Variants in KCNT1 observed in about 807,000 individuals in gnomAD.
KCNT1 encodes the protein potassium sodium-activated channel subfamily T member 1.
In KCNT1, 78 loss-of-function variants were observed where a neutral mutation model predicts 147.8. The observed-to-expected ratio is 0.53, with a 90% CI of 0.44 to 0.64. KCNT1 has a LOEUF of 0.64. Among genes scored for constraint, KCNT1 ranks in the 30% least tolerant of loss-of-function variants. KCNT1 has a pLI of 0.00. For synonymous variants in KCNT1, 867 were observed against 748.8 expected (o/e 1.16, Z -2.58); for missense variants, 1,419 against 1,750.3 (o/e 0.81, Z 3.38).
intron 24 of KCNT1, among the ~76,000 whole-genome samples, chr9:135,782,930 T>C (rs1749396286): frequency 6.6e-6 from 1 of 152,214 alleles, no homozygotes; most frequent in East Asian, 1.9e-4. Context: ...CACCGGCCAC[T>C]GATGAGTAAG....
Position 135,714,725 on chromosome 9 carries a change from G to T in KCNT1, c.254+5G>T. 7.2e-7 allele frequency: 1 copy of T among 1,385,208 alleles called. No homozygotes were observed. 85.8% of individuals were successfully genotyped at this position (1,385,208 alleles called of 1,614,324 possible). A position where few individuals can be genotyped will look rare whatever the true frequency, so the allele number is the denominator to read the frequency against. ...GTCCTTCCAGAACGACGACAGGTAG[G>T]GACCGGGCGCGGGGTGGGGGCTGGG... is the stretch of plus-strand genomic sequence containing the variant. On this transcript the variant is annotated splice_donor_5th_base_variant and intron_variant, in intron 2 of 30. Coordinates refer to ENST00000371757, the MANE Select transcript of KCNT1 (RefSeq NM_020822.3). This position sits in a 1 kb window ranked among gnomAD's most constrained non-coding sequence, Gnocchi z 6.2.
rs745347346 is a variant in KCNT1, at chr9:135,757,125, G to A, written c.601-31G>A. 42 of 773,116 alleles carry A rather than the reference G, an allele frequency of 5.4e-5. No individual in the cohort carries two copies. The Middle Eastern group carries it at 8.9e-4, about 16-fold the overall frequency. The allele number at this position is 773,116 out of a possible 1,614,324, so 47.9% of individuals were successfully genotyped here. On this transcript the variant is annotated intron_variant, in intron 7 of 30. Coordinates refer to ENST00000371757, the MANE Select transcript of KCNT1 (RefSeq NM_020822.3). ...CTGGGCCCCACCCCCACCCTCCATC[G>A]CCCCCGCTGATACCCCCCGTTTGGC...
chr9:135,786,300 C>T lies in KCNT1; in HGVS notation c.3281C>T (p.Thr1094Met), dbSNP rs373041291. The change falls in exon 29 of 31, where the codon ACG becomes ATG. Residue 1094 changes from threonine (T) to methionine (M), a missense_variant. By Grantham distance (81) the Thr-to-Met change is moderately conservative (BLOSUM62 -1). Coordinates refer to ENST00000371757, the MANE Select transcript of KCNT1 (RefSeq NM_020822.3). Reference sequence around the variant, plus strand: ...GGAGGCAGCTCCCAGGGCCGCCACACGGGCGGCGGTGACCCCGCAGAGCAC... The same window carrying T: ...GGAGGCAGCTCCCAGGGCCGCCACATGGGCGGCGGTGACCCCGCAGAGCAC... ...GTGGSSQGRHTGGGDPAEHPL... is the reference protein window; with the variant it reads ...GTGGSSQGRHMGGGDPAEHPL... The T allele has an allele frequency of 4.9e-5, 79 of 1,604,062 alleles. No homozygotes were observed. Among genetic ancestry groups the T allele is most frequent in the African/African-American group, 3.5e-4 (26 of 74,960 alleles).
rs533528985 is a variant in KCNT1 at position 135,771,070 on chromosome 9, C to T, written c.1983C>T (p.Pro661=). ...TGCACGAGGGTCCGGCCCGCCTGCC[C>T]GTGCACAGCATCATCGCCTCCATGG... ...QGLHEGPARL[P]VHSIIASMGT... The change falls in exon 18 of 31, where the codon CCC becomes CCT. Residue 661 remains proline (P), a synonymous_variant. Transcript: ENST00000371757. The T allele has an allele frequency of 5.0e-5, 81 of 1,611,698 alleles. No homozygotes were observed. The highest frequency in any genetic ancestry group is 2.3e-4 in the South Asian group (21 of 90,664).
chr9:135,786,045 C>T (rs1834017761), intron 28 of KCNT1, 152 bp from the exon 29 acceptor site: 3 of 648,592 alleles, frequency 4.6e-6, no homozygotes, highest in African/African-American at 1.9e-5. Context: ...ACCCTGGGGT[C>T]TGTCGTCGTC....
rs776788870 is a variant in KCNT1 at position 135,792,185 on chromosome 9, C to T, written c.*24C>T. 5 of 1,597,280 alleles carry T rather than the reference C, an allele frequency of 3.1e-6. No individual in the cohort carries two copies. The East Asian group carries it at 1.1e-4, about 36-fold the overall frequency. On this transcript the variant is annotated 3_prime_UTR_variant, in exon 31 of 31. Transcript: ENST00000371757. ...GAGCCAGCCCTGCACGGAGCTCAGG[C>T]CACCAAGCCCGGGGTCCTCAGGAAG...
chr9:135,730,193 C>T lies in KCNT1; in HGVS notation c.254+15473C>T, dbSNP rs1219720472. 6.6e-6 allele frequency among the ~76,000 whole-genome samples: 1 copy of T among 152,178 alleles called. No individual in the cohort carries two copies. Among genetic ancestry groups the T allele is most frequent in the African/African-American group, 2.4e-5 (1 of 41,440 alleles). On this transcript the variant is annotated intron_variant, in intron 2 of 30. Transcript: ENST00000371757. The surrounding 1 kb of genome is among the most constrained non-coding windows in gnomAD (Gnocchi z 4.7). ...ACAGTAAGGCAGTGTTGAATTGCAG[C>T]CTCTAGTGGCGACAACAAGGAAAGG...
intron 19 of KCNT1, among the ~76,000 whole-genome samples, chr9:135,775,010 G>A (rs1031861695): frequency 6.6e-6 from 1 of 152,160 alleles, no homozygotes; most frequent in African/African-American, 2.4e-5. Flanking sequence ...CTTAAGGTTC[G>A]GCACCTGCAT....
chr9:135,749,964 T>TCC, intron 2 of KCNT1, 134 bp from the exon 3 acceptor site: 1 of 696,300 alleles, frequency 1.4e-6, no homozygotes, highest in Admixed American at 2.1e-5. Context: ...GAGGGAGTGG[T>TCC]CCTGCTGGGC....
chr9:135,760,917 G>A (rs1315786320), intron 11 of KCNT1, among the ~76,000 whole-genome samples: 1 of 152,244 alleles, frequency 6.6e-6, no homozygotes, highest in East Asian at 1.9e-4. Flanking sequence ...TGATGAGCGA[G>A]TCTCTGTGTT....
At position 135,715,610 on chromosome 9, in the gene KCNT1, C is replaced by T. The variant is rs1406855376; in HGVS notation, c.254+890C>T. On this transcript the variant is annotated intron_variant, in intron 2 of 30. Coordinates refer to ENST00000371757, the MANE Select transcript of KCNT1 (RefSeq NM_020822.3). ...GCAAATCCGCACTTTCCCCCAACAA[C>T]GCAGTTATTCCGGTTAGCACACAAA... is the stretch of plus-strand genomic sequence containing the variant. 3.3e-5 allele frequency among the ~76,000 whole-genome samples: 3 copies of T among 90,348 alleles called. 1 individual carries two copies. The highest frequency in any genetic ancestry group is 1.2e-4 in the African/African-American group (3 of 24,496). The allele number at this position is 90,348 out of a possible 152,430, so 59.3% of individuals were successfully genotyped here.
intron 2 of KCNT1, among the ~76,000 whole-genome samples, chr9:135,731,922 TTCA>T (rs1407887095): frequency 6.9e-6 from 1 of 145,796 alleles, no homozygotes; most frequent in Non-Finnish European, 1.5e-5. Context: ...CTTTCTTTGC[TTCA>T]TCATCACATA....
intron 2 of KCNT1, among the ~76,000 whole-genome samples, chr9:135,718,838 C>T (rs939979601): frequency 2.0e-5 from 3 of 152,220 alleles, no homozygotes; most frequent in Admixed American, 6.5e-5. Flanking sequence ...CTCCATCGCC[C>T]GTGGCCTTGG....
rs560986596 is a variant in KCNT1 at position 135,786,049 on chromosome 9, C to T, written c.3178-148C>T. The T allele has an allele frequency of 2.1e-4, 138 of 664,600 alleles. 1 individual carries two copies. In the African/African-American group the frequency reaches 2.1e-3, roughly 10 times the overall value. The allele number at this position is 664,600 out of a possible 1,614,324, so 41.2% of individuals were successfully genotyped here. ...AAGGCACATGCACCCTGGGGTCTGTCGTCGTCCTCTTCCCTAACACCCCCA... is the reference window on the plus strand; with the variant it reads ...AAGGCACATGCACCCTGGGGTCTGTTGTCGTCCTCTTCCCTAACACCCCCA... On this transcript the variant is annotated intron_variant, in intron 28 of 30. Transcript: ENST00000371757.
At chr9:135,751,075 G>A (rs760543805) in intron 4 of KCNT1, 34 bp downstream of exon 4, 19 of 1,580,802 alleles carry the variant, frequency 1.2e-5, no homozygotes, top group Middle Eastern at 1.8e-4. Context: ...GCGGGGTCCC[G>A]GGTCCCAGGG....
intron 11 of KCNT1, among the ~76,000 whole-genome samples, chr9:135,762,879 G>A (rs767959233): frequency 3.3e-5 from 5 of 152,336 alleles, no homozygotes; most frequent in Admixed American, 1.3e-4. Flanking sequence ...TGATTGCATC[G>A]ATGGGTATGG....
At chr9:135,716,136 T>A (rs987507942) in intron 2 of KCNT1, among the ~76,000 whole-genome samples, 1 of 152,156 alleles carries the variant, frequency 6.6e-6, no homozygotes, top group African/African-American at 2.4e-5. Flanking sequence ...GGACTCAACA[T>A]CTTTCTAAGC....
intron 11 of KCNT1, among the ~76,000 whole-genome samples, chr9:135,763,244 A>ATGACTGGAAAGACTAAGCCTT (rs1832035043): frequency 6.6e-6 from 1 of 151,834 alleles, no homozygotes; most frequent in Non-Finnish European, 1.5e-5. Context: ...CCTCCTCCGA[A>ATGACTGGAAAGACTAAGCCTT]TGACTGGAAA....
chr9:135,752,664 TGGAGTGGATGGAG>T lies in KCNT1; in HGVS notation c.435-1269_435-1257del, dbSNP rs201977349. Among the ~76,000 whole-genome samples the T allele has an allele frequency of 0.02, 3,037 of 149,102 alleles. 60 individuals carry two copies. Among genetic ancestry groups the T allele is most frequent in the East Asian group, 0.062 (314 of 5,054 alleles). On this transcript the variant is annotated intron_variant, in intron 4 of 30. Coordinates refer to ENST00000371757, the MANE Select transcript of KCNT1 (RefSeq NM_020822.3). This position sits in a 1 kb window ranked among gnomAD's most constrained non-coding sequence, Gnocchi z 5.1. ...ACGGACGGACGGATGGACGGATGGATGGAGTGGATGGAGGGATGAGTGGATGGGTGGATAATGG... is the reference window on the plus strand; with the variant it reads ...ACGGACGGACGGATGGACGGATGGATGGATGAGTGGATGGGTGGATAATGG...
Sources: gnomAD v4.1 joint callset for allele counts (sites outside exome capture counted in the v4.1 genomes callset) on GRCh38, gnomAD v4.1.1 for gene constraint, Gnocchi (gnomAD v3.1) non-coding constraint, MANE v1.5 for transcripts, NCBI Gene and HGNC (gene_info 2026-07-23, HGNC 2026-07-21) for gene names.